Variants in STIMATE observed in about 807,000 individuals in gnomAD.
The protein encoded by STIMATE is store-operated calcium entry regulator STIMATE.
Under a neutral mutation model 36.7 loss-of-function variants are expected in STIMATE, and 15 were observed. That is an observed-to-expected ratio of 0.41 (90% CI 0.27 to 0.63). STIMATE has a LOEUF of 0.63. STIMATE is among the 20% of genes least tolerant of loss of function. The pLI, the probability that STIMATE is intolerant of heterozygous loss-of-function variation, is 0.32. For missense variants in STIMATE, 305 were observed against 397.3 expected (o/e 0.77, Z 1.98); for synonymous variants, 163 against 162.3 (o/e 1.00, Z -0.03).
intron 2 of STIMATE, 67 bp downstream of exon 2, chr3:52,855,329 C>A (rs994677817): frequency 1.4e-5 from 22 of 1,527,758 alleles, no homozygotes; most frequent in Admixed American, 1.8e-5. Flanking sequence ...CCATACCCCA[C>A]CCCCAGCCCC....
At chr3:52,893,294 T>C (rs940449556) in intron 1 of STIMATE, among the ~76,000 whole-genome samples, 1 of 152,054 alleles carries the variant, frequency 6.6e-6, no homozygotes, top group African/African-American at 2.4e-5. Context: ...AGATTGTCCT[T>C]ATTTTGGGGA....
intron 4 of STIMATE, among the ~76,000 whole-genome samples, chr3:52,848,956 T>C: frequency 6.6e-6 from 1 of 152,218 alleles, no homozygotes; most frequent in African/African-American, 2.4e-5. Context: ...ATATCCAAGG[T>C]ACTCATAGCC....
chr3:52,840,689 T>A, intron 7 of STIMATE, 79 bp from the exon 8 acceptor site: 1 of 1,300,050 alleles, frequency 7.7e-7, no homozygotes, highest in Non-Finnish European at 1.0e-6. Context: ...CCTGGGCCCT[T>A]CAAGTCTCAT....
intron 1 of STIMATE, among the ~76,000 whole-genome samples, chr3:52,859,427 G>A (rs1417973527): frequency 7.6e-6 from 1 of 131,298 alleles, no homozygotes; most frequent in Non-Finnish European, 1.6e-5. Context: ...AGCACTTTGG[G>A]AGGCCAAGGC....
intron 1 of STIMATE, among the ~76,000 whole-genome samples, chr3:52,888,422 T>C (rs1266902335): frequency 1.3e-5 from 2 of 152,214 alleles, no homozygotes; most frequent in African/African-American, 2.4e-5. Flanking sequence ...CACCTGCAGA[T>C]ATTTTTGCCC....
chr3:52,864,306 G>A (rs1197205449), intron 1 of STIMATE, among the ~76,000 whole-genome samples: 1 of 152,226 alleles, frequency 6.6e-6, no homozygotes, highest in Non-Finnish European at 1.5e-5. Context: ...TTATGTGGAA[G>A]CTGCCACAGT....
chr3:52,840,546 G>A lies in STIMATE; in HGVS notation c.833C>T (p.Thr278Ile), dbSNP rs1465988611. Residue 278 changes from threonine to isoleucine, a missense_variant, in exon 8 of 8, where the codon ACC becomes ATC. Transcript: ENST00000355083. ...CTTTTTCTTCACAGGCTTGAGGGGG[G>A]TCAGTCTGCGGAGGTCCTCCTCCAC... ...SDVEEDLRRL[T>I]PLKPVKKKKH... 1 of 1,613,974 alleles carries A rather than the reference G, an allele frequency of 6.2e-7. No homozygotes were observed. The highest frequency in any genetic ancestry group is 8.5e-7 in the Non-Finnish European group (1 of 1,180,016).
chr3:52,887,994 GTTTTTTTTTTTTTTTTT>G (rs71087029), intron 1 of STIMATE, among the ~76,000 whole-genome samples: 1 of 52,694 alleles, frequency 1.9e-5, no homozygotes, highest in Non-Finnish European at 3.4e-5. Context: ...AACAGAATCA[GTTTTTTTTTTTTTTTTT>G]TTTTTTTTTT....
At chr3:52,888,854 A>C (rs1701736097) in intron 1 of STIMATE, among the ~76,000 whole-genome samples, 1 of 152,232 alleles carries the variant, frequency 6.6e-6, no homozygotes, top group Admixed American at 6.5e-5. Flanking sequence ...GGTGACTGGA[A>C]AAACCATGAA....
intron 1 of STIMATE, among the ~76,000 whole-genome samples, chr3:52,889,107 G>A (rs187942853): frequency 1.3e-5 from 2 of 152,290 alleles, no homozygotes; most frequent in East Asian, 1.9e-4. Context: ...TGCGGCAGGA[G>A]GGCATGTGAT....
At chr3:52,867,361 C>T (rs1162865240) in intron 1 of STIMATE, among the ~76,000 whole-genome samples, 1 of 152,226 alleles carries the variant, frequency 6.6e-6, no homozygotes, top group Non-Finnish European at 1.5e-5. Context: ...AGCAGGAAGT[C>T]CTGGGACACA....
chr3:52,854,075 T>C (rs1701052554), intron 2 of STIMATE, among the ~76,000 whole-genome samples: 1 of 144,786 alleles, frequency 6.9e-6, no homozygotes. Flanking sequence ...TCAAAGTCTA[T>C]TTAAGAAATA....
chr3:52,890,010 G>A (rs928746376), intron 1 of STIMATE, among the ~76,000 whole-genome samples: 2 of 152,090 alleles, frequency 1.3e-5, no homozygotes, highest in South Asian at 4.1e-4. Flanking sequence ...TCTCTTCTAC[G>A]TGAACCTTTG....
intron 7 of STIMATE, among the ~76,000 whole-genome samples, chr3:52,841,359 C>T (rs762217824): frequency 1.3e-5 from 2 of 152,238 alleles, no homozygotes; most frequent in African/African-American, 2.4e-5. Flanking sequence ...GGGAGTTCAG[C>T]GTGGCTGCTC....
intron 3 of STIMATE, 92 bp downstream of exon 3, chr3:52,852,511 A>T: frequency 6.6e-7 from 1 of 1,518,846 alleles, no homozygotes; most frequent in Non-Finnish European, 9.0e-7. Flanking sequence ...TCCCCAAGCC[A>T]GAGGGAGCAG....
intron 1 of STIMATE, among the ~76,000 whole-genome samples, chr3:52,884,179 T>C (rs1210640024): frequency 6.6e-6 from 1 of 152,198 alleles, no homozygotes; most frequent in Non-Finnish European, 1.5e-5. Context: ...TCAGTGAGTT[T>C]TGGGAAATGT....
At chr3:52,849,311 G>A (rs927796436) in intron 4 of STIMATE, among the ~76,000 whole-genome samples, 5 of 152,216 alleles carry the variant, frequency 3.3e-5, no homozygotes, top group South Asian at 4.1e-4. Context: ...AGTACCAGCC[G>A]TGTGGAATGG....
At chr3:52,862,336 C>A (rs1448953850) in intron 1 of STIMATE, among the ~76,000 whole-genome samples, 1 of 152,238 alleles carries the variant, frequency 6.6e-6, no homozygotes, top group Non-Finnish European at 1.5e-5. Flanking sequence ...CTTCCCTGCT[C>A]CGATCTCTTC....
rs565735581 is a variant in STIMATE, at chr3:52,860,204, C to T, written c.161-4760G>A. Among the ~76,000 whole-genome samples, 22 of 151,600 alleles carry T rather than the reference C, an allele frequency of 1.5e-4. No individual in the cohort carries two copies. In the South Asian group the frequency reaches 4.4e-3, roughly 30 times the overall value. ...GGCCTGCTGTGTGACAAGCCCCATT[C>T]AGCAGGAGATGAAATGCACAAAACC... On this transcript the variant is annotated intron_variant, in intron 1 of 7. Transcript: ENST00000355083.
Sources: gnomAD v4.1 joint callset for allele counts (sites outside exome capture counted in the v4.1 genomes callset) on GRCh38, gnomAD v4.1.1 for gene constraint, MANE v1.5 for transcripts, NCBI Gene and HGNC (gene_info 2026-07-23, HGNC 2026-07-21) for gene names.